LPGAT1: variants seen among roughly 807,000 people sequenced by gnomAD.
LPGAT1 encodes acyl-CoA:lysophosphatidylglycerol acyltransferase 1.
A neutral mutation model predicts 47.5 loss-of-function variants in LPGAT1; 11 were observed. The ratio of observed to expected loss-of-function variants is 0.23; its 90% CI spans 0.15 to 0.38. LPGAT1 has a LOEUF of 0.38. Among genes scored for constraint, LPGAT1 ranks in the 10% least tolerant of loss-of-function variants. The pLI, the probability that LPGAT1 is intolerant of heterozygous loss-of-function variation, is 1.00. For missense variants in LPGAT1, 293 were observed against 439.0 expected (o/e 0.67, Z 2.97); for synonymous variants, 138 against 144.2 (o/e 0.96, Z 0.31).
Position 211,793,122 on chromosome 1 carries a change from C to A in LPGAT1, c.307G>T (p.Ala103Ser). 6.2e-7 allele frequency: 1 copy of A among 1,609,320 alleles called. No homozygotes were observed. The highest frequency in any genetic ancestry group is 8.5e-7 in the Non-Finnish European group (1 of 1,177,894). The change falls in exon 3 of 8, where the codon GCA (alanine) becomes TCA (serine). Residue 103 changes from alanine (A) to serine (S), a missense_variant. By Grantham distance (99) the Ala-to-Ser change is moderately conservative. Coordinates refer to ENST00000366997, the MANE Select transcript of LPGAT1 (RefSeq NM_014873.3). Reference sequence around the variant, plus strand: ...ATCAGTGTGCACACATCTCCTGTTGCCTGATGATTCACCAACATCACTGCT... The same window carrying A: ...ATCAGTGTGCACACATCTCCTGTTGACTGATGATTCACCAACATCACTGCT... ...DEAVMLVNHQ[A>S]TGDVCTLMMC...
rs747774294 is a variant in LPGAT1, at chr1:211,778,951, T to C, written c.821A>G (p.Tyr274Cys). The C allele has an allele frequency of 6.2e-7, 1 of 1,608,122 alleles. No individual in the cohort carries two copies. The highest frequency in any genetic ancestry group is 1.1e-5 in the South Asian group (1 of 89,906). ...PIDIQTWILG[Y>C]RKPTVTHVHY... ...TACATGTGTGACTGTTGGTTTCCTG[T>C]ATCCAAGGATCCAGGTTTGAATATC... Residue 274 changes from tyrosine to cysteine, a missense_variant, in exon 6 of 8, where the codon TAC becomes TGC. Transcript: ENST00000366997.
intron 5 of LPGAT1, among the ~76,000 whole-genome samples, chr1:211,781,056 G>A (rs1224333159): frequency 2.0e-5 from 3 of 152,028 alleles, no homozygotes; most frequent in East Asian, 1.9e-4. Context: ...CATGGTTTGC[G>A]TATACATGGC....
At chr1:211,805,515 T>TAAA (rs1293111365) in intron 2 of LPGAT1, among the ~76,000 whole-genome samples, 1 of 152,216 alleles carries the variant, frequency 6.6e-6, no homozygotes, top group Non-Finnish European at 1.5e-5. Flanking sequence ...AGGGACCATC[T>TAAA]GTACTATGAA....
chr1:211,795,351 T>C (rs1659306562), intron 2 of LPGAT1, among the ~76,000 whole-genome samples: 1 of 151,914 alleles, frequency 6.6e-6, no homozygotes, highest in African/African-American at 2.4e-5. Flanking sequence ...ATGCCACTAG[T>C]TGTGTTTTTT....
At position 211,830,447 on chromosome 1, in the gene LPGAT1, G is replaced by A. The variant is rs1454465526; in HGVS notation, c.-28+126C>T. 2 of 1,175,170 alleles carry A rather than the reference G, an allele frequency of 1.7e-6. No homozygotes were observed. Among genetic ancestry groups the A allele is most frequent in the South Asian group, 8.7e-5 (2 of 23,014 alleles). The allele number at this position is 1,175,170 out of a possible 1,614,324, so 72.8% of individuals were successfully genotyped here. ...CCTCCCCGGGGCCTACCGCGCCCTC[G>A]TCCCTCAGGCCGCTGCCGCCTCCCC... On this transcript the variant is annotated intron_variant, in intron 1 of 7. Transcript: ENST00000366997. The surrounding 1 kb of genome is among the most constrained non-coding windows in gnomAD (Gnocchi z 5.9).
chr1:211,757,708 T>A (rs1361774022), intron 6 of LPGAT1, among the ~76,000 whole-genome samples: 1 of 152,224 alleles, frequency 6.6e-6, no homozygotes. Context: ...AATATTGATG[T>A]AATCAGAGGA....
intron 2 of LPGAT1, among the ~76,000 whole-genome samples, chr1:211,819,348 A>G (rs1660283244): frequency 6.6e-6 from 1 of 152,076 alleles, no homozygotes; most frequent in Admixed American, 6.6e-5. Flanking sequence ...TAAAATAATT[A>G]CCTAGGCATG....
chr1:211,747,830 A>G lies in LPGAT1; in HGVS notation c.*2069T>C, dbSNP rs1403997324. On this transcript the variant is annotated 3_prime_UTR_variant, in exon 8 of 8. Coordinates refer to ENST00000366997, the MANE Select transcript of LPGAT1 (RefSeq NM_014873.3). ...GGTTTCATTTATTCACCGACACTGT[A>G]GAACACATAATGAAATGCTTAGATT... The G allele has an allele frequency of 6.5e-6, 1 of 152,672 alleles. No individual in the cohort carries two copies. Among genetic ancestry groups the G allele is most frequent in the African/African-American group, 2.4e-5 (1 of 41,462 alleles). 9.5% of individuals were successfully genotyped at this position (152,672 alleles called of 1,614,324 possible). A position where few individuals can be genotyped will look rare whatever the true frequency, so the allele number is the denominator to read the frequency against.
chr1:211,758,137 G>A (rs1050132433), intron 6 of LPGAT1, among the ~76,000 whole-genome samples: 1 of 152,150 alleles, frequency 6.6e-6, no homozygotes, highest in African/African-American at 2.4e-5. Context: ...AAGTGGATTT[G>A]AAAAGATGAT....
chr1:211,830,098 G>A lies in LPGAT1; in HGVS notation c.-28+475C>T. ...AAGGGGCAGAGAAGAGGCGACCGCA[G>A]CGCGGGGAGCCGGTGGAGCCTGCAG... On this transcript the variant is annotated intron_variant, in intron 1 of 7. Coordinates refer to ENST00000366997, the MANE Select transcript of LPGAT1 (RefSeq NM_014873.3). The surrounding 1 kb of genome is among the most constrained non-coding windows in gnomAD (Gnocchi z 5.9). 1 of 984,738 alleles carries A rather than the reference G, an allele frequency of 1.0e-6. No homozygotes were observed. The highest frequency in any genetic ancestry group is 1.2e-6 in the Non-Finnish European group (1 of 829,732). 61.0% of individuals were successfully genotyped at this position (984,738 alleles called of 1,614,324 possible).
intron 6 of LPGAT1, among the ~76,000 whole-genome samples, chr1:211,763,451 A>G (rs1483645128): frequency 6.6e-6 from 1 of 152,222 alleles, no homozygotes; most frequent in Non-Finnish European, 1.5e-5. Context: ...AGCCAACTAG[A>G]TGCAGCCACC....
At chr1:211,806,386 T>C (rs1005822390) in intron 2 of LPGAT1, among the ~76,000 whole-genome samples, 1 of 150,468 alleles carries the variant, frequency 6.6e-6, no homozygotes, top group African/African-American at 2.4e-5. Context: ...TGGATACAGC[T>C]GGAAGCCATT....
At chr1:211,797,383 G>A (rs1005250215) in intron 2 of LPGAT1, among the ~76,000 whole-genome samples, 1 of 147,500 alleles carries the variant, frequency 6.8e-6, no homozygotes, top group African/African-American at 2.5e-5. Context: ...CTCCCAAGGT[G>A]CTGGGATGAC....
intron 4 of LPGAT1, among the ~76,000 whole-genome samples, chr1:211,784,880 T>C (rs924092395): frequency 6.0e-5 from 9 of 150,624 alleles, no homozygotes; most frequent in South Asian, 2.1e-4. Context: ...CTCGGGTCAC[T>C]GCAAGCTCTG....
At chr1:211,819,485 C>T (rs1020516468) in intron 2 of LPGAT1, among the ~76,000 whole-genome samples, 3 of 152,050 alleles carry the variant, frequency 2.0e-5, no homozygotes, top group Non-Finnish European at 4.4e-5. Flanking sequence ...GAACAAGACC[C>T]TGTCTCCAAC....
intron 4 of LPGAT1, among the ~76,000 whole-genome samples, chr1:211,784,187 C>A (rs144879449): frequency 6.6e-5 from 10 of 152,050 alleles, no homozygotes; most frequent in African/African-American, 2.4e-4. Flanking sequence ...GAGGTGGAGA[C>A]CAAATGAGAA....
chr1:211,755,787 T>C (rs1428274615), intron 6 of LPGAT1, among the ~76,000 whole-genome samples: 9 of 152,206 alleles, frequency 5.9e-5, no homozygotes, highest in Admixed American at 2.6e-4. Flanking sequence ...TAGAGTCTTA[T>C]TTACACAGAA....
chr1:211,827,829 G>A (rs1401915947), intron 2 of LPGAT1, among the ~76,000 whole-genome samples: 2 of 152,170 alleles, frequency 1.3e-5, no homozygotes, highest in African/African-American at 2.4e-5. Flanking sequence ...AGGAAGCAAC[G>A]CATACACTAT....
At chr1:211,800,850 C>A (rs959576525) in intron 2 of LPGAT1, among the ~76,000 whole-genome samples, 4 of 152,226 alleles carry the variant, frequency 2.6e-5, no homozygotes, top group African/African-American at 9.6e-5. Flanking sequence ...TTATAGCAAA[C>A]AAAGATCCAT....
Sources: gnomAD v4.1 joint callset for allele counts (sites outside exome capture counted in the v4.1 genomes callset) on GRCh38, gnomAD v4.1.1 for gene constraint, Gnocchi (gnomAD v3.1) non-coding constraint, MANE v1.5 for transcripts, NCBI Gene and HGNC (gene_info 2026-07-23, HGNC 2026-07-21) for gene names.